Variants in TOX2 observed in about 807,000 individuals in gnomAD.
The protein encoded by TOX2 is granulosa cell HMG box 1.
In TOX2, 15 loss-of-function variants were observed where a neutral mutation model predicts 47.4. The ratio of observed to expected loss-of-function variants is 0.32; its 90% CI spans 0.21 to 0.49. The LOEUF (loss-of-function observed/expected upper bound fraction) is 0.49. TOX2 is among the 20% of genes least tolerant of loss of function. The pLI is 0.99. For missense variants in TOX2, 622 were observed against 673.1 expected, an observed-to-expected ratio of 0.92 and a Z score of 0.84; for synonymous variants, 290 against 296.6, an observed-to-expected ratio of 0.98 and a Z score of 0.23.
chr20:44,063,039 A>G (rs1290741032), intron 5 of TOX2, among the ~76,000 whole-genome samples: 3 of 152,242 alleles, frequency 2.0e-5, no homozygotes, highest in Non-Finnish European at 4.4e-5. Flanking sequence ...TAAAAATTCT[A>G]GAAGATAACA....
In TOX2 at chr20:44,065,900, G is replaced by A; in HGVS notation, c.1149G>A (p.Leu383=). 6.2e-7 allele frequency: 1 copy of A among 1,611,888 alleles called. No individual in the cohort carries two copies. Among genetic ancestry groups the A allele is most frequent in the South Asian group, 1.1e-5 (1 of 90,904 alleles). The part of the protein sequence containing the change: ...LARTLGSKSL[L]PGLSASPPPP... Reference sequence around the variant, plus strand: ...GGACGCTGGGCTCCAAGTCTCTGCTGCCAGGCCTCAGTGCGTCCCCGCCGC... The same window carrying A: ...GGACGCTGGGCTCCAAGTCTCTGCTACCAGGCCTCAGTGCGTCCCCGCCGC... The change falls in exon 7 of 9, where the codon CTG becomes CTA. Residue 383 remains leucine, a synonymous_variant. Transcript: ENST00000341197.
intron 1 of TOX2, among the ~76,000 whole-genome samples, chr20:43,940,420 C>G (rs2069387424): frequency 6.6e-6 from 1 of 150,990 alleles, no homozygotes; most frequent in African/African-American, 2.4e-5. Context: ...AGATAGGTCT[C>G]GATATGTTGC....
At chr20:44,047,249 A>G (rs1327721523) in intron 3 of TOX2, among the ~76,000 whole-genome samples, 1 of 152,218 alleles carries the variant, frequency 6.6e-6, no homozygotes, top group Admixed American at 6.5e-5. Flanking sequence ...AGCAGATGCC[A>G]GTAGCTTCCC....
chr20:43,953,903 C>T (rs1326342440), intron 1 of TOX2, among the ~76,000 whole-genome samples: 3 of 152,158 alleles, frequency 2.0e-5, no homozygotes, highest in African/African-American at 7.2e-5. Context: ...AACTCTATGC[C>T]AGACACTCCT....
intron 1 of TOX2, among the ~76,000 whole-genome samples, chr20:43,947,475 G>A (rs531462759): frequency 6.6e-6 from 1 of 152,332 alleles, no homozygotes; most frequent in South Asian, 2.1e-4. Context: ...TGAGGAGGGC[G>A]TGGCTCACAA....
chr20:44,053,705 A>G (rs2071568793), intron 4 of TOX2, among the ~76,000 whole-genome samples: 1 of 151,946 alleles, frequency 6.6e-6, no homozygotes. Context: ...ACATTCTTTC[A>G]ATGTCATACC....
intron 2 of TOX2, among the ~76,000 whole-genome samples, chr20:43,985,242 A>G (rs2070243624): frequency 6.6e-6 from 1 of 152,194 alleles, no homozygotes; most frequent in Non-Finnish European, 1.5e-5. Context: ...GTTGACTTAC[A>G]GCCAAGGGCT....
chr20:44,054,351 C>A lies in TOX2; in HGVS notation c.704C>A (p.Pro235Gln). ...GACCCAGGAAAAAAGGCCAAGAACC[C>A]GAAGAAGAAGAAAAAGAAGGACCCC... The part of the protein sequence containing the change: ...SADPGKKAKN[P>Q]KKKKKKDPNE... Residue 235 changes from proline (P) to glutamine (Q), a missense_variant, in exon 5 of 9, where the codon CCG (proline) becomes CAG (glutamine). Physicochemically the swap from Pro to Gln is moderately conservative, Grantham distance 76. Coordinates refer to ENST00000341197, the MANE Select transcript of TOX2 (RefSeq NM_001098797.2). 2 of 1,611,978 alleles carry A rather than the reference C, an allele frequency of 1.2e-6. No individual in the cohort carries two copies. Among genetic ancestry groups the A allele is most frequent in the Non-Finnish European group, 1.7e-6 (2 of 1,179,420 alleles).
rs186201781 is a variant in TOX2, at chr20:43,978,893, G to A, written c.165+5461G>A. Reference sequence around the variant, plus strand: ...GAATACAGGGAGACCAAGTTGAGAGGGTTGGTAATAGGCCAAGTAAAGGAT... The same window carrying A: ...GAATACAGGGAGACCAAGTTGAGAGAGTTGGTAATAGGCCAAGTAAAGGAT... On this transcript the variant is annotated intron_variant, in intron 2 of 8. Coordinates refer to ENST00000341197, the MANE Select transcript of TOX2 (RefSeq NM_001098797.2). 2.6e-3 allele frequency among the ~76,000 whole-genome samples: 393 copies of A among 152,122 alleles called. 1 individual carries two copies. Among genetic ancestry groups the A allele is most frequent in the African/African-American group, 8.1e-3 (337 of 41,484 alleles).
chr20:44,053,174 G>A (rs1460297201), intron 4 of TOX2, among the ~76,000 whole-genome samples: 1 of 152,154 alleles, frequency 6.6e-6, no homozygotes, highest in Non-Finnish European at 1.5e-5. Context: ...GTCTGTGGTG[G>A]GCATCCCAAC....
At chr20:43,937,514 C>A (rs113344174) in intron 1 of TOX2, among the ~76,000 whole-genome samples, 95 of 152,110 alleles carry the variant, frequency 6.2e-4, no homozygotes, top group African/African-American at 1.9e-3. Context: ...TTGGGAGGGA[C>A]TGGTGTGTGA....
chr20:44,043,107 G>A (rs528235763), intron 3 of TOX2, among the ~76,000 whole-genome samples: 1 of 152,290 alleles, frequency 6.6e-6, no homozygotes, highest in South Asian at 2.1e-4. Flanking sequence ...GAGGGAAGAT[G>A]TCACTCAGGG....
At chr20:44,021,802 A>ATTT (rs34597914) in intron 3 of TOX2, among the ~76,000 whole-genome samples, 13 of 145,050 alleles carry the variant, frequency 9.0e-5, no homozygotes, top group African/African-American at 2.3e-4. Context: ...CTAATTTTTG[A>ATTT]TTTTTTTTTT....
At chr20:44,005,295 A>G (rs1359554761) in intron 2 of TOX2, among the ~76,000 whole-genome samples, 1 of 151,848 alleles carries the variant, frequency 6.6e-6, no homozygotes, top group Admixed American at 6.6e-5. Flanking sequence ...GTGCACATAA[A>G]CTCTCTTTCA....
chr20:44,055,943 A>G (rs2071608669), intron 5 of TOX2, among the ~76,000 whole-genome samples: 1 of 152,086 alleles, frequency 6.6e-6, no homozygotes, highest in Non-Finnish European at 1.5e-5. Context: ...TATAATGCAG[A>G]GAGTTTATTT....
At chr20:43,941,150 G>A (rs560493790) in intron 1 of TOX2, among the ~76,000 whole-genome samples, 1 of 152,228 alleles carries the variant, frequency 6.6e-6, no homozygotes, top group South Asian at 2.1e-4. Context: ...TATGCTTCAG[G>A]GTGATGTGAG....
intron 3 of TOX2, among the ~76,000 whole-genome samples, chr20:44,034,122 C>A (rs756360870): frequency 1.1e-4 from 16 of 152,210 alleles, no homozygotes; most frequent in Non-Finnish European, 1.9e-4. Context: ...AGGCTCCAGG[C>A]AGCTTGCAGA....
intron 2 of TOX2, among the ~76,000 whole-genome samples, chr20:43,993,586 G>T (rs992312029): frequency 2.0e-5 from 3 of 152,120 alleles, no homozygotes; most frequent in African/African-American, 7.2e-5. Context: ...AGTTCTGGAC[G>T]TGTCAAAGAA....
chr20:43,979,200 C>T (rs2070130661), intron 2 of TOX2, among the ~76,000 whole-genome samples: 1 of 152,120 alleles, frequency 6.6e-6, no homozygotes, highest in Non-Finnish European at 1.5e-5. Context: ...TGGTACAAAT[C>T]TTGAGCTCAT....
Sources: gnomAD v4.1 joint callset for allele counts (sites outside exome capture counted in the v4.1 genomes callset) on GRCh38, gnomAD v4.1.1 for gene constraint, MANE v1.5 for transcripts, NCBI Gene and HGNC (gene_info 2026-07-23, HGNC 2026-07-21) for gene names.